HSD17B14: variants seen among roughly 807,000 people sequenced by gnomAD.
HSD17B14 encodes the protein hydroxysteroid 17-beta dehydrogenase 14.
In HSD17B14, 32 loss-of-function variants were observed where a neutral mutation model predicts 32.2. That is an observed-to-expected ratio of 0.99 (90% CI 0.75 to 1.33). The LOEUF is 1.33. Ranked by LOEUF, HSD17B14 falls within the 40% of genes most tolerant of loss-of-function variation. The probability of loss-of-function intolerance (pLI) is 0.00; values close to 1 mark genes in which losing one functional copy is unlikely to be tolerated. For missense variants in HSD17B14, 370 were observed against 366.5 expected (o/e 1.01, Z -0.08); for synonymous variants, 140 against 155.4 (o/e 0.90, Z 0.74).
intron 5 of HSD17B14, among the ~76,000 whole-genome samples, chr19:48,819,131 G>T (rs529856721): frequency 6.6e-6 from 1 of 152,236 alleles, no homozygotes; most frequent in South Asian, 2.1e-4. Flanking sequence ...TGGGATTACG[G>T]GCGCCTACCA....
chr19:48,819,455 T>C (rs2035110736), intron 5 of HSD17B14, among the ~76,000 whole-genome samples: 1 of 152,176 alleles, frequency 6.6e-6, no homozygotes, highest in Non-Finnish European at 1.5e-5. Context: ...GCTCTTGACA[T>C]AAAGACCAGA....
rs12980127 is a variant in HSD17B14, at chr19:48,826,215, G to A, written c.369+5453C>T. ...GGCAATGAATGAAAAAAGATAGGCC[G>A]GACATGGTGGCTTACGCCTGTAATC... On this transcript the variant is annotated intron_variant, in intron 5 of 8. Transcript: ENST00000263278. Among the ~76,000 whole-genome samples the A allele has an allele frequency of 4.6e-3, 701 of 151,784 alleles. 10 individuals carry two copies. The highest frequency in any genetic ancestry group is 6.0e-3 in the Non-Finnish European group (405 of 67,914).
intron 5 of HSD17B14, among the ~76,000 whole-genome samples, chr19:48,830,209 G>A (rs2035314392): frequency 6.6e-6 from 1 of 151,984 alleles, no homozygotes; most frequent in Non-Finnish European, 1.5e-5. Flanking sequence ...TGTGCAAGCT[G>A]ACTCCCAGCA....
rs748609221 is a variant in HSD17B14 at position 48,836,322 on chromosome 19, A to ACCGAAGGCGCGCACGATCCCAGCT, written c.66_88+1dup. On this transcript the variant is annotated splice_donor_variant, in intron 1 of 8. Coordinates refer to ENST00000263278, the MANE Select transcript of HSD17B14 (RefSeq NM_016246.3). LOFTEE classifies it high-confidence loss of function. ...AGCTCCCAGCAGTCAGACCCGGCTC[A>ACCGAAGGCGCGCACGATCCCAGCT]CCGAAGGCGCGCACGATCCCAGCTC... 6.2e-7 allele frequency: 1 copy of ACCGAAGGCGCGCACGATCCCAGCT among 1,608,784 alleles called. No individual in the cohort carries two copies. Among genetic ancestry groups the ACCGAAGGCGCGCACGATCCCAGCT allele is most frequent in the Non-Finnish European group, 8.5e-7 (1 of 1,178,844 alleles).
chr19:48,829,763 C>G (rs1212916692), intron 5 of HSD17B14, among the ~76,000 whole-genome samples: 2 of 150,626 alleles, frequency 1.3e-5, no homozygotes, highest in Admixed American at 1.3e-4. Flanking sequence ...CCTGCCTCAG[C>G]CTCCTGAGTA....
chr19:48,830,033 A>G (rs948730497), intron 5 of HSD17B14, among the ~76,000 whole-genome samples: 5 of 151,934 alleles, frequency 3.3e-5, no homozygotes, highest in Non-Finnish European at 5.9e-5. Flanking sequence ...CAGTTGCACG[A>G]TCTCAGCTCA....
rs147117678 is a variant in HSD17B14 at position 48,813,247 on chromosome 19, C to T, written c.741G>A (p.Gly247=). The T allele has an allele frequency of 1.2e-6, 2 of 1,609,458 alleles. No homozygotes were observed. Among genetic ancestry groups the T allele is most frequent in the East Asian group, 4.5e-5 (2 of 44,718 alleles). ...TGCACCCGTACCCCAGCTCTGCACC[C>T]CCCGTCACGAGCAGTTCAATGCCCG... The part of the protein sequence containing the change: ...FCTGIELLVT[G]GAELGYGCKA... Residue 247 remains glycine, a synonymous_variant, in exon 9 of 9, where the codon GGG becomes GGA. Transcript: ENST00000263278.
intron 4 of HSD17B14, among the ~76,000 whole-genome samples, chr19:48,832,378 G>GA (rs1048446585): frequency 1.4e-5 from 2 of 147,058 alleles, no homozygotes; most frequent in African/African-American, 2.5e-5. Context: ...GACTCCATCT[G>GA]AAAAAAAAAG....
At chr19:48,832,754 T>A in intron 3 of HSD17B14, 22 bp from the exon 4 acceptor site, 2 of 1,583,442 alleles carry the variant, frequency 1.3e-6, no homozygotes, top group Non-Finnish European at 8.6e-7. Context: ...GGAAATGTCC[T>A]TTGTTTTTTT....
At chr19:48,824,111 C>T (rs1020174058) in intron 5 of HSD17B14, among the ~76,000 whole-genome samples, 1 of 146,372 alleles carries the variant, frequency 6.8e-6, no homozygotes, top group Non-Finnish European at 1.5e-5. Flanking sequence ...AAAAATTAGC[C>T]GGGCATGGTG....
At position 48,815,131 on chromosome 19, in the gene HSD17B14, G is replaced by A; in HGVS notation, c.380C>T (p.Pro127Leu). ...GTYTLTKLAL[P>L]YLRKSQGNVI... is the part of the protein sequence containing the mutation. ...ATTCCCTTGACTCTTCCGCAGGTAG[G>A]GGAGGGCGAGCTAGGGAGACAAGAG... is the stretch of plus-strand genomic sequence containing the variant. The change falls in exon 6 of 9, where the codon CCC (proline) becomes CTC (leucine). Residue 127 changes from proline (P) to leucine (L), a missense_variant. Pro to Leu is a moderately conservative substitution (Grantham distance 98, BLOSUM62 -3). Coordinates refer to ENST00000263278, the MANE Select transcript of HSD17B14 (RefSeq NM_016246.3). The A allele has an allele frequency of 6.2e-7, 1 of 1,613,744 alleles. No homozygotes were observed. The highest frequency in any genetic ancestry group is 2.2e-5 in the East Asian group (1 of 44,872).
chr19:48,821,829 AGATGGTGAT>A (rs1466357023), intron 5 of HSD17B14, among the ~76,000 whole-genome samples: 1 of 149,952 alleles, frequency 6.7e-6, no homozygotes, highest in African/African-American at 2.5e-5. Flanking sequence ...GTGATGGTGA[AGATGGTGAT>A]GATGGTGAGG....
At chr19:48,827,752 G>A (rs1056280151) in intron 5 of HSD17B14, among the ~76,000 whole-genome samples, 5 of 151,768 alleles carry the variant, frequency 3.3e-5, no homozygotes, top group Non-Finnish European at 7.4e-5. Context: ...TATTGGACAG[G>A]CTGGTCTTGA....
chr19:48,819,727 T>C (rs938544982), intron 5 of HSD17B14, among the ~76,000 whole-genome samples: 5 of 152,074 alleles, frequency 3.3e-5, no homozygotes, highest in Admixed American at 2.6e-4. Context: ...CCCATCCCCC[T>C]CATAAAGCAA....
intron 5 of HSD17B14, among the ~76,000 whole-genome samples, chr19:48,825,707 T>G (rs1277552278): frequency 1.3e-5 from 2 of 152,150 alleles, no homozygotes; most frequent in African/African-American, 4.8e-5. Flanking sequence ...GCAGAAATGT[T>G]GCGTAACTTG....
At position 48,832,137 on chromosome 19, in the gene HSD17B14, G is replaced by T. The variant is rs189586731; in HGVS notation, c.278-378C>A. On this transcript the variant is annotated intron_variant, in intron 4 of 8. Transcript: ENST00000263278. ...GCTCATGCCTGTAATCCCAGCATTT[G>T]GGGAGGCCGAGGTGGGCAGATCATC... Among the ~76,000 whole-genome samples the T allele has an allele frequency of 8.6e-3, 1,243 of 145,322 alleles. 17 individuals carry two copies. The highest frequency in any genetic ancestry group is 0.031 in the African/African-American group (1,183 of 38,758).
chr19:48,824,293 T>C (rs1384841087), intron 5 of HSD17B14, among the ~76,000 whole-genome samples: 2 of 85,196 alleles, frequency 2.3e-5, no homozygotes, highest in African/African-American at 9.6e-5. Flanking sequence ...TCGGGTGCTG[T>C]GGCATGTATC....
rs770469988 is a variant in HSD17B14 at position 48,815,106 on chromosome 19, A to G, written c.405T>C (p.Asn135=). The part of the protein sequence containing the change: ...ALPYLRKSQG[N]VINISSLVGA... ...CCACCAGGCTGGAGATGTTGATGAC[A>G]TTCCCTTGACTCTTCCGCAGGTAGG... Residue 135 remains asparagine, a synonymous_variant, in exon 6 of 9, where the codon AAT becomes AAC. Coordinates refer to ENST00000263278, the MANE Select transcript of HSD17B14 (RefSeq NM_016246.3). 2.5e-6 allele frequency: 4 copies of G among 1,613,954 alleles called. No homozygotes were observed. In the African/African-American group the frequency reaches 4.0e-5, roughly 16 times the overall value.
At chr19:48,821,422 T>C (rs77732388) in intron 5 of HSD17B14, among the ~76,000 whole-genome samples, 3,058 of 152,248 alleles carry the variant, frequency 0.02, 92 homozygotes, top group African/African-American at 0.07. Context: ...TATAATTTCC[T>C]TGACTATCTA....
Sources: allele counts gnomAD v4.1 joint callset (sites outside exome capture counted in the v4.1 genomes callset), GRCh38; gene constraint gnomAD v4.1.1; transcripts MANE v1.5; gene names NCBI Gene and HGNC (gene_info 2026-07-23, HGNC 2026-07-21).